The following SGCZ variants were observed in gnomAD, a reference collection of about 807,000 sequenced individuals.
SGCZ encodes the protein zeta-sarcoglycan.
A neutral mutation model predicts 41.3 loss-of-function variants in SGCZ; 40 were observed. That is an observed-to-expected ratio of 0.97 (90% CI 0.75 to 1.26). SGCZ has a LOEUF of 1.26. Among genes scored for constraint, SGCZ ranks in the 50% most tolerant of loss-of-function variants. SGCZ has a pLI of 0.00. For synonymous variants in SGCZ, 206 were observed against 137.5 expected, an observed-to-expected ratio of 1.50 and a Z score of -3.49; for missense variants, 552 against 369.8, an observed-to-expected ratio of 1.49 and a Z score of -4.04.
intron 1 of SGCZ, among the ~76,000 whole-genome samples, chr8:14,863,177 CT>C (rs1455171046): frequency 6.6e-6 from 1 of 152,106 alleles, no homozygotes; most frequent in African/African-American, 2.4e-5. Context: ...TTATACCAAA[CT>C]CTTAATCCTT....
chr8:14,407,018 A>C (rs947725948), intron 2 of SGCZ, among the ~76,000 whole-genome samples: 1 of 151,346 alleles, frequency 6.6e-6, no homozygotes, highest in Non-Finnish European at 1.5e-5. Flanking sequence ...CCTGTCCTGC[A>C]TCAATATGAA....
intron 1 of SGCZ, among the ~76,000 whole-genome samples, chr8:14,908,763 AG>A (rs1158580819): frequency 4.1e-5 from 6 of 146,060 alleles, no homozygotes; most frequent in East Asian, 2.0e-4. Flanking sequence ...AAAAAAAAAA[AG>A]AGAGAGAGAT....
At chr8:14,363,537 C>G (rs1803600868) in intron 2 of SGCZ, among the ~76,000 whole-genome samples, 2 of 151,340 alleles carry the variant, frequency 1.3e-5, no homozygotes, top group African/African-American at 2.4e-5. Flanking sequence ...TTTTCTTCTT[C>G]TTTTTTTTTC....
chr8:14,508,034 G>C (rs1487761159), intron 2 of SGCZ, among the ~76,000 whole-genome samples: 1 of 152,086 alleles, frequency 6.6e-6, no homozygotes, highest in Admixed American at 6.6e-5. Flanking sequence ...GCCTCCCAAA[G>C]TGCTAGGATT....
intron 5 of SGCZ, among the ~76,000 whole-genome samples, chr8:14,143,466 A>C (rs1803432646): frequency 6.6e-6 from 1 of 152,242 alleles, no homozygotes; most frequent in Non-Finnish European, 1.5e-5. Flanking sequence ...TGCAGTCAGT[A>C]AAGTCAGAAG....
chr8:14,612,654 A>C (rs1805966386), intron 1 of SGCZ, among the ~76,000 whole-genome samples: 1 of 152,054 alleles, frequency 6.6e-6, no homozygotes, highest in African/African-American at 2.4e-5. Flanking sequence ...GATAACAGGA[A>C]GGAGTTGTGT....
At chr8:14,791,330 T>C (rs1326622559) in intron 1 of SGCZ, among the ~76,000 whole-genome samples, 3 of 152,086 alleles carry the variant, frequency 2.0e-5, no homozygotes, top group Non-Finnish European at 2.9e-5. Context: ...CCCGTTTGCA[T>C]TGGATGGCAC....
chr8:15,203,825 A>G (rs1020568538), intron 1 of SGCZ, among the ~76,000 whole-genome samples: 9 of 152,208 alleles, frequency 5.9e-5, no homozygotes, highest in Non-Finnish European at 1.0e-4. Context: ...GTAAAAATAA[A>G]TGAAATAACT....
At chr8:15,115,956 C>A (rs559574672) in intron 1 of SGCZ, among the ~76,000 whole-genome samples, 1 of 152,296 alleles carries the variant, frequency 6.6e-6, no homozygotes, top group East Asian at 1.9e-4. Context: ...TAATAGGCCA[C>A]ATAGAAAGTA....
rs1296153582 is a variant in SGCZ, at chr8:14,607,775, T to C, written c.40-52849A>G. 2.0e-5 allele frequency among the ~76,000 whole-genome samples: 3 copies of C among 152,174 alleles called. No individual in the cohort carries two copies. The East Asian group carries it at 5.8e-4, about 29-fold the overall frequency. On this transcript the variant is annotated intron_variant, in intron 1 of 7. Coordinates refer to ENST00000382080, the MANE Select transcript of SGCZ (RefSeq NM_139167.4). ...CAAGGTTTTCAGCTCCTCTGGATAATTATGTTAACACTGACAGATGGAAGC... is the reference window on the plus strand; with the variant it reads ...CAAGGTTTTCAGCTCCTCTGGATAACTATGTTAACACTGACAGATGGAAGC...
At chr8:15,115,795 G>T (rs1041456633) in intron 1 of SGCZ, among the ~76,000 whole-genome samples, 2 of 152,190 alleles carry the variant, frequency 1.3e-5, no homozygotes, top group African/African-American at 4.8e-5. Flanking sequence ...GTGTAAGAAG[G>T]TTTATTCAAC....
At chr8:14,567,077 T>C (rs1804391776) in intron 1 of SGCZ, among the ~76,000 whole-genome samples, 1 of 152,156 alleles carries the variant, frequency 6.6e-6, no homozygotes, top group South Asian at 2.1e-4. Flanking sequence ...TGCCTCCCAG[T>C]GGGGCAGGGC....
intron 2 of SGCZ, among the ~76,000 whole-genome samples, chr8:14,356,602 C>T (rs1306011600): frequency 1.3e-5 from 2 of 151,708 alleles, no homozygotes; most frequent in Non-Finnish European, 2.9e-5. Flanking sequence ...GCCTTTTTAG[C>T]CCAATATAAT....
At chr8:14,637,266 T>A (rs937498149) in intron 1 of SGCZ, among the ~76,000 whole-genome samples, 1 of 151,786 alleles carries the variant, frequency 6.6e-6, no homozygotes, top group Admixed American at 6.6e-5. Flanking sequence ...TTCAATTCAT[T>A]ATGTTCTCTA....
At chr8:14,266,310 A>G (rs1000960707) in intron 3 of SGCZ, among the ~76,000 whole-genome samples, 10 of 152,154 alleles carry the variant, frequency 6.6e-5, no homozygotes, top group Non-Finnish European at 1.3e-4. Flanking sequence ...AGGGTCTTCC[A>G]TTTTTGTGGG....
chr8:14,348,500 T>C (rs1802970173), intron 2 of SGCZ, among the ~76,000 whole-genome samples: 2 of 152,124 alleles, frequency 1.3e-5, no homozygotes, highest in South Asian at 4.1e-4. Context: ...TATTCGTTCG[T>C]CTCTAATCCC....
chr8:14,818,123 C>T (rs111247493), intron 1 of SGCZ, among the ~76,000 whole-genome samples: 8 of 152,292 alleles, frequency 5.3e-5, no homozygotes, highest in South Asian at 2.1e-4. Flanking sequence ...GTGACCCCAA[C>T]TCCCTGGAGA....
At chr8:15,030,915 T>C (rs1231670238) in intron 1 of SGCZ, among the ~76,000 whole-genome samples, 4 of 152,092 alleles carry the variant, frequency 2.6e-5, no homozygotes, top group African/African-American at 9.7e-5. Flanking sequence ...GTAAAGGAAA[T>C]AGAACTTACT....
intron 3 of SGCZ, among the ~76,000 whole-genome samples, chr8:14,291,859 GCTT>G (rs1379766226): frequency 6.6e-6 from 1 of 151,806 alleles, no homozygotes. Context: ...TCTTTGCTGG[GCTT>G]CTTCCACTTA....
Sources: allele counts gnomAD v4.1 joint callset (sites outside exome capture counted in the v4.1 genomes callset), GRCh38; gene constraint gnomAD v4.1.1; transcripts MANE v1.5; gene names NCBI Gene and HGNC (gene_info 2026-07-23, HGNC 2026-07-21).